Variants in RICTOR observed in about 807,000 individuals in gnomAD.
RICTOR encodes rapamycin-insensitive companion of mTOR.
A neutral mutation model predicts 214.9 loss-of-function variants in RICTOR; 49 were observed. The ratio of observed to expected loss-of-function variants is 0.23; its 90% CI spans 0.18 to 0.29. The LOEUF is 0.29. RICTOR is among the 10% of genes least tolerant of loss of function. RICTOR has a pLI of 1.00. For synonymous variants in RICTOR, 717 were observed against 711.3 expected, an observed-to-expected ratio of 1.01 and a Z score of -0.13; for missense variants, 1,625 against 2,047.0, an observed-to-expected ratio of 0.79 and a Z score of 3.98.
chr5:39,066,620 A>G (rs1758922880), intron 2 of RICTOR, among the ~76,000 whole-genome samples: 1 of 152,236 alleles, frequency 6.6e-6, no homozygotes, highest in African/African-American at 2.4e-5. Context: ...CTTCCTGTTT[A>G]AAAACAAATT....
At chr5:39,045,924 T>C (rs1242407769) in intron 2 of RICTOR, among the ~76,000 whole-genome samples, 1 of 152,006 alleles carries the variant, frequency 6.6e-6, no homozygotes, top group Non-Finnish European at 1.5e-5. Context: ...TTCTAATCTT[T>C]CCATTTGTAT....
intron 2 of RICTOR, among the ~76,000 whole-genome samples, chr5:39,053,883 T>C: frequency 2.0e-5 from 2 of 100,298 alleles, no homozygotes; most frequent in South Asian, 3.5e-4. Flanking sequence ...ACAGCGAGAC[T>C]CCGTCTCAAA....
In RICTOR at chr5:38,957,761, T is replaced by C. The variant is rs181368682; in HGVS notation, c.2421-31A>G. The C allele has an allele frequency of 2.1e-4, 257 of 1,228,232 alleles. No homozygotes were observed. The Middle Eastern group carries it at 2.7e-3, about 13-fold the overall frequency. 76.1% of individuals were successfully genotyped at this position (1,228,232 alleles called of 1,614,324 possible). A position where few individuals can be genotyped will look rare whatever the true frequency, so the allele number is the denominator to read the frequency against. ...AATTAAAACAAGCAATAGTTTAACA[T>C]TGAGTCTGGCAAAAACGTATCTTAA... On this transcript the variant is annotated intron_variant, in intron 24 of 37. Coordinates refer to ENST00000357387, the MANE Select transcript of RICTOR (RefSeq NM_152756.5).
chr5:39,074,015 C>T (rs887240929), intron 2 of RICTOR, 96 bp downstream of exon 2: 1 of 884,046 alleles, frequency 1.1e-6, no homozygotes, highest in African/African-American at 1.8e-5. Flanking sequence ...CCCCGCCGGT[C>T]CCGTGCGGGG....
chr5:38,985,996 C>T (rs1752140779), intron 7 of RICTOR, among the ~76,000 whole-genome samples: 1 of 152,128 alleles, frequency 6.6e-6, no homozygotes, highest in Non-Finnish European at 1.5e-5. Context: ...CACACCTGGC[C>T]TAGAGTTTAT....
At chr5:38,962,706 T>TA in intron 17 of RICTOR, 120 bp from the exon 18 acceptor site, 2 of 810,972 alleles carry the variant, frequency 2.5e-6, no homozygotes, top group Non-Finnish European at 3.9e-6. Flanking sequence ...TCAAGGTTTT[T>TA]TAACTTTAAA....
intron 32 of RICTOR, among the ~76,000 whole-genome samples, chr5:38,946,783 G>C (rs1748256059): frequency 6.6e-6 from 1 of 152,076 alleles, no homozygotes. Flanking sequence ...TATCTAAAAT[G>C]TCTTTCAACT....
intron 28 of RICTOR, 89 bp from the exon 29 acceptor site, chr5:38,953,180 C>A: frequency 1.2e-6 from 1 of 867,306 alleles, no homozygotes; most frequent in Non-Finnish European, 1.8e-6. Flanking sequence ...TTAACCTCAT[C>A]TCTGAGAGAG....
At chr5:39,061,041 A>G (rs187221056) in intron 2 of RICTOR, among the ~76,000 whole-genome samples, 1 of 152,188 alleles carries the variant, frequency 6.6e-6, no homozygotes, top group Non-Finnish European at 1.5e-5. Flanking sequence ...ACTCCCCAAC[A>G]TACATTATTC....
Position 39,020,476 on chromosome 5 carries a change from C to A in RICTOR, c.195+563G>T, listed in dbSNP as rs144250268. On this transcript the variant is annotated intron_variant, in intron 3 of 37. Transcript: ENST00000357387. Reference sequence around the variant, plus strand: ...TCCTCTACCAACAAAAAAAACCCCACAATTTGCTGAAGGCTCAGATGACTG... The same window carrying A: ...TCCTCTACCAACAAAAAAAACCCCAAAATTTGCTGAAGGCTCAGATGACTG... 2.0e-4 allele frequency among the ~76,000 whole-genome samples: 30 copies of A among 152,318 alleles called. 1 individual carries two copies. Among genetic ancestry groups the A allele is most frequent in the African/African-American group, 7.0e-4 (29 of 41,580 alleles).
chr5:39,006,123 G>A (rs1239249), intron 3 of RICTOR, among the ~76,000 whole-genome samples: 5,027 of 152,204 alleles, frequency 0.033, 138 homozygotes, highest in South Asian at 0.082. Context: ...CTTGAATCCC[G>A]TTTCCTGCCC....
rs1255115617 is a variant in RICTOR, at chr5:38,953,052, G to C, written c.2830C>G (p.Gln944Glu). The C allele has an allele frequency of 6.2e-7, 1 of 1,608,888 alleles. No individual in the cohort carries two copies. The highest frequency in any genetic ancestry group is 8.5e-7 in the Non-Finnish European group (1 of 1,176,716). ...GSSNWGLNLLQEENVIPDILK... is the reference protein window; with the variant it reads ...GSSNWGLNLLEEENVIPDILK... ...ATATCTGGAATCACGTTTTCTTCCT[G>C]TAGCAAATTGAGACCCCAATTTGAT... is the stretch of plus-strand genomic sequence containing the variant. The change falls in exon 29 of 38, where the codon CAG becomes GAG. Residue 944 changes from glutamine to glutamate, a missense_variant. Physicochemically the swap from Gln to Glu is conservative, Grantham distance 29. Transcript: ENST00000357387.
intron 2 of RICTOR, among the ~76,000 whole-genome samples, chr5:39,024,736 T>C (rs1755681134): frequency 6.6e-6 from 1 of 152,260 alleles, no homozygotes. Flanking sequence ...GGACTAATAG[T>C]TACGATGATT....
rs1383154887 is a variant in RICTOR, at chr5:39,074,336, T to C, written c.42A>G (p.Arg14=). Residue 14 remains arginine (R), a synonymous_variant, in exon 1 of 38, where the codon CGA becomes CGG. Transcript: ENST00000357387. The part of the protein sequence containing the change: ...IGRGRSLKNL[R]VRGRNDSGEE... ...GGGTTGCAGCGGGCTTACCTCGTACTCGGAGGTTCTTCAGAGAGCGGCCGC... is the reference window on the plus strand; with the variant it reads ...GGGTTGCAGCGGGCTTACCTCGTACCCGGAGGTTCTTCAGAGAGCGGCCGC... 6.5e-7 allele frequency: 1 copy of C among 1,541,424 alleles called. No homozygotes were observed. Among genetic ancestry groups the C allele is most frequent in the Non-Finnish European group, 8.7e-7 (1 of 1,143,032 alleles).
intron 2 of RICTOR, among the ~76,000 whole-genome samples, chr5:39,057,819 C>T (rs777051300): frequency 6.6e-6 from 1 of 152,000 alleles, no homozygotes. Context: ...TTCCACACTT[C>T]CAAAGAGTGT....
chr5:39,047,683 C>T (rs927257920), intron 2 of RICTOR, among the ~76,000 whole-genome samples: 3 of 152,098 alleles, frequency 2.0e-5, no homozygotes, highest in African/African-American at 7.2e-5. Context: ...AAATCAAATT[C>T]CAGTCAGGCT....
chr5:38,955,746 G>A (rs760953633), intron 25 of RICTOR, 42 bp from the exon 26 acceptor site: 6 of 1,064,758 alleles, frequency 5.6e-6, no homozygotes, highest in South Asian at 5.0e-5. Flanking sequence ...GTATCACAAT[G>A]AGTCACTAAA....
At chr5:39,055,016 GAATT>G (rs1274115120) in intron 2 of RICTOR, among the ~76,000 whole-genome samples, 12 of 152,122 alleles carry the variant, frequency 7.9e-5, no homozygotes, top group Non-Finnish European at 1.8e-4. Context: ...ATGAATGAAA[GAATT>G]CATTCATTCA....
At chr5:38,967,763 A>T (rs923049744) in intron 12 of RICTOR, among the ~76,000 whole-genome samples, 180 bp downstream of exon 12, 1 of 152,190 alleles carries the variant, frequency 6.6e-6, no homozygotes, top group Non-Finnish European at 1.5e-5. Flanking sequence ...ATAAAGAAGA[A>T]ATTAAAATTT....
Sources: gnomAD v4.1 joint callset for allele counts (sites outside exome capture counted in the v4.1 genomes callset) on GRCh38, gnomAD v4.1.1 for gene constraint, MANE v1.5 for transcripts, NCBI Gene and HGNC (gene_info 2026-07-23, HGNC 2026-07-21) for gene names.